The following GPM6A variants were observed in gnomAD, a reference collection of about 807,000 sequenced individuals.
The protein encoded by GPM6A is glycoprotein M6A.
GPM6A carries 7 observed loss-of-function variants against 32.1 expected under a neutral mutation model. The observed-to-expected ratio is 0.22, with a 90% CI of 0.12 to 0.41. The LOEUF (loss-of-function observed/expected upper bound fraction) is 0.41, where lower values mean the gene tolerates loss of function less well. Among genes scored for constraint, GPM6A ranks in the 10% least tolerant of loss-of-function variants. GPM6A has a pLI of 1.00. For missense variants in GPM6A, 235 were observed against 347.2 expected, an observed-to-expected ratio of 0.68 and a Z score of 2.57; for synonymous variants, 130 against 123.4, an observed-to-expected ratio of 1.05 and a Z score of -0.35.
At chr4:175,637,042 A>T (rs1374622660) in intron 6 of GPM6A, among the ~76,000 whole-genome samples, 34 of 82,450 alleles carry the variant, frequency 4.1e-4, no homozygotes, top group African/African-American at 4.5e-5. Context: ...AATATATAAT[A>T]TATTTATATA....
intron 5 of GPM6A, 72 bp downstream of exon 5, chr4:175,640,681 T>C: frequency 2.0e-6 from 2 of 1,017,310 alleles, no homozygotes; most frequent in African/African-American, 1.6e-5. Context: ...GATTTAGTTT[T>C]AATACATTAT....
chr4:175,699,737 G>GTCT (rs763715994), intron 2 of GPM6A, among the ~76,000 whole-genome samples: 18 of 151,822 alleles, frequency 1.2e-4, no homozygotes, highest in Non-Finnish European at 1.9e-4. Context: ...TAGGTTTTAA[G>GTCT]TATCAACAGG....
At chr4:175,651,422 G>C (rs1267882680) in intron 4 of GPM6A, among the ~76,000 whole-genome samples, 2 of 151,720 alleles carry the variant, frequency 1.3e-5, no homozygotes, top group Non-Finnish European at 2.9e-5. Flanking sequence ...TCCCATTTCA[G>C]AAGACAATGA....
At chr4:175,735,884 T>C (rs898941006) in intron 1 of GPM6A, among the ~76,000 whole-genome samples, 4 of 152,016 alleles carry the variant, frequency 2.6e-5, no homozygotes, top group African/African-American at 9.7e-5. Context: ...AAAACACAAA[T>C]AGATTTGGAA....
chr4:175,809,786 T>C (rs1030306462), intron 1 of GPM6A, among the ~76,000 whole-genome samples: 1 of 152,224 alleles, frequency 6.6e-6, no homozygotes, highest in African/African-American at 2.4e-5. Context: ...ATGATCTTTT[T>C]AAATGCTTAA....
chr4:175,642,714 C>T (rs1320642563), intron 4 of GPM6A, among the ~76,000 whole-genome samples: 4 of 151,896 alleles, frequency 2.6e-5, no homozygotes, highest in East Asian at 3.9e-4. Context: ...TTGCAGCTTC[C>T]CACCCTTCAC....
chr4:175,786,292 TTTTG>T lies in GPM6A; in HGVS notation c.37+25895_37+25898del, dbSNP rs1733795089. On this transcript the variant is annotated intron_variant, in intron 1 of 6. Coordinates refer to ENST00000393658, the MANE Select transcript of GPM6A (RefSeq NM_201591.3). ...TTTGAAGGTCAGGAAAGGTTTTTTGTTTTGTTTTTTTTTTTTTGAAAAATGAATA... is the reference window on the plus strand; with the variant it reads ...TTTGAAGGTCAGGAAAGGTTTTTTGTTTTTTTTTTTTTTGAAAAATGAATA... Among the ~76,000 whole-genome samples the T allele has an allele frequency of 3.7e-5, 5 of 136,418 alleles. No homozygotes were observed. In the Admixed American group the frequency reaches 3.8e-4, roughly 10 times the overall value. The allele number at this position is 136,418 out of a possible 152,430, so 89.5% of individuals were successfully genotyped here.
At chr4:175,867,808 G>A (rs934548061) in intron 1 of GPM6A, among the ~76,000 whole-genome samples, 7 of 152,270 alleles carry the variant, frequency 4.6e-5, no homozygotes, top group African/African-American at 1.7e-4. Context: ...GGCTACAGCC[G>A]ATTGAAGTGG....
intron 1 of GPM6A, among the ~76,000 whole-genome samples, chr4:175,729,798 A>ATATTATTTATAATATATTATC (rs1231309544): frequency 1.2e-5 from 1 of 81,190 alleles, no homozygotes; most frequent in South Asian, 3.6e-4. Context: ...ATTATCTATT[A>ATATTATTTATAATATATTATC]TATTATATTA....
intron 1 of GPM6A, among the ~76,000 whole-genome samples, chr4:175,776,774 C>G (rs1458759353): frequency 2.0e-5 from 3 of 152,112 alleles, no homozygotes; most frequent in Non-Finnish European, 4.4e-5. Context: ...CCCTGTTACA[C>G]TTTAATATAT....
At chr4:175,834,279 A>G (rs1735699207) in intron 1 of GPM6A, among the ~76,000 whole-genome samples, 1 of 152,224 alleles carries the variant, frequency 6.6e-6, no homozygotes, top group South Asian at 2.1e-4. Flanking sequence ...GGGCAAGTAT[A>G]TGCTTCCACA....
chr4:175,843,849 G>T (rs1487499728), intron 1 of GPM6A, among the ~76,000 whole-genome samples: 1 of 152,106 alleles, frequency 6.6e-6, no homozygotes, highest in East Asian at 1.9e-4. Context: ...ATTTAGACAG[G>T]CTTCTCTGGG....
At chr4:175,891,951 AG>A (rs1737661654) in intron 1 of GPM6A, among the ~76,000 whole-genome samples, 1 of 152,208 alleles carries the variant, frequency 6.6e-6, no homozygotes, top group Admixed American at 6.5e-5. Flanking sequence ...GAGATCAACA[AG>A]CAGTACAGCA....
At chr4:175,935,913 C>G (rs1739204479) in intron 1 of GPM6A, among the ~76,000 whole-genome samples, 3 of 151,838 alleles carry the variant, frequency 2.0e-5, no homozygotes, top group Admixed American at 1.3e-4. Flanking sequence ...TAATTTGTTA[C>G]AGCAATTGTT....
intron 1 of GPM6A, among the ~76,000 whole-genome samples, chr4:175,730,775 T>G (rs7685659): frequency 0.13 from 20,502 of 151,968 alleles, 2,299 homozygotes; most frequent in East Asian, 0.66. Context: ...CTGCTGGCCG[T>G]TCTCGATCTC....
At chr4:175,637,578 A>G (rs1189653676) in intron 6 of GPM6A, among the ~76,000 whole-genome samples, 65 of 19,576 alleles carry the variant, frequency 3.3e-3, no homozygotes, top group African/African-American at 0.011. Flanking sequence ...TATATATTAT[A>G]TAAAATATAT....
At chr4:175,821,208 T>C (rs1735268355) in intron 1 of GPM6A, among the ~76,000 whole-genome samples, 2 of 152,202 alleles carry the variant, frequency 1.3e-5, no homozygotes, top group Admixed American at 1.3e-4. Context: ...ATTAATTATA[T>C]ATCTTAATAT....
chr4:175,807,882 C>T (rs1734758203), intron 1 of GPM6A, among the ~76,000 whole-genome samples: 1 of 152,136 alleles, frequency 6.6e-6, no homozygotes. Context: ...GAGCCCAGCT[C>T]TACTATTTAC....
chr4:175,817,380 G>A (rs13124070), intron 1 of GPM6A, among the ~76,000 whole-genome samples: 135,134 of 152,016 alleles, frequency 0.89, 62,196 homozygotes, highest in East Asian at 1. Flanking sequence ...TAGGCAAAAG[G>A]GATACTAAGA....
Sources: gnomAD v4.1 joint callset for allele counts (sites outside exome capture counted in the v4.1 genomes callset) on GRCh38, gnomAD v4.1.1 for gene constraint, MANE v1.5 for transcripts, NCBI Gene and HGNC (gene_info 2026-07-23, HGNC 2026-07-21) for gene names.